SCN2A: variants seen among roughly 807,000 people sequenced by gnomAD.
SCN2A encodes the protein sodium voltage-gated channel alpha subunit 2, also known as sodium channel protein type 2 subunit alpha.
A neutral mutation model predicts 188.7 loss-of-function variants in SCN2A; 20 were observed. That is an observed-to-expected ratio of 0.11 (90% CI 0.07 to 0.15). The LOEUF (loss-of-function observed/expected upper bound fraction) is 0.15, where lower values mean the gene tolerates loss of function less well. Ranked by LOEUF, SCN2A falls within the 10% of genes least tolerant of loss-of-function variation. The probability of loss-of-function intolerance (pLI) is 1.00; values close to 1 mark genes in which losing one functional copy is unlikely to be tolerated. For missense variants in SCN2A, 1,278 were observed against 2,445.0 expected, an observed-to-expected ratio of 0.52 and a Z score of 10.07; for synonymous variants, 804 against 833.1, an observed-to-expected ratio of 0.97 and a Z score of 0.60.
chr2:165,371,336 A>C (rs960900132), intron 20 of SCN2A: 3 of 152,242 alleles, frequency 2.0e-5, no homozygotes, highest in Non-Finnish European at 4.4e-5. Context: ...GCCTTAAATC[A>C]AATATGCTTA....
chr2:165,310,538 A>C lies in SCN2A; in HGVS notation c.913A>C (p.Thr305Pro). The C allele has an allele frequency of 6.2e-7, 1 of 1,612,990 alleles. No homozygotes were observed. The highest frequency in any genetic ancestry group is 1.1e-5 in the South Asian group (1 of 91,062). The change falls in exon 7 of 27, where the codon ACT (threonine) becomes CCT (proline). Residue 305 changes from threonine (T) to proline (P), a missense_variant. Around this residue, in one of 17 missense-constraint regions of SCN2A, gnomAD observed 45 missense variants for 58.1 expected, o/e 0.77. Coordinates refer to ENST00000375437, the MANE Select transcript of SCN2A (RefSeq NM_001040142.2). ...FFNNSLDGNG[T>P]TFNRTVSIFN... ...TAACAATTCATTGGATGGGAATGGT[A>C]CTACTTTCAATAGGACAGTGAGCAT...
In SCN2A at chr2:165,291,348, G is replaced by C. The variant is rs114910365; in HGVS notation, c.-51-4425G>C. ...CATGAGCCACCGGGACTTGTCTGTC[G>C]TTCGTTCCTTCCTTCCTTCCTTCCT... On this transcript the variant is annotated intron_variant, in intron 1 of 26. Coordinates refer to ENST00000375437, the MANE Select transcript of SCN2A (RefSeq NM_001040142.2). 1.6e-3 allele frequency among the ~76,000 whole-genome samples: 128 copies of C among 82,064 alleles called. 1 individual carries two copies. Among genetic ancestry groups the C allele is most frequent in the African/African-American group, 5.1e-3 (123 of 24,076 alleles). The allele number at this position is 82,064 out of a possible 152,430, so 53.8% of individuals were successfully genotyped here. A position where few individuals can be genotyped will look rare whatever the true frequency, so the allele number is the denominator to read the frequency against.
At chr2:165,301,541 A>G (rs1696808631) in intron 3 of SCN2A, among the ~76,000 whole-genome samples, 1 of 152,164 alleles carries the variant, frequency 6.6e-6, no homozygotes, top group Non-Finnish European at 1.5e-5. Context: ...ATTCTTTCGA[A>G]TCTCAGTTTC....
intron 1 of SCN2A, among the ~76,000 whole-genome samples, chr2:165,259,409 T>C (rs1694475775): frequency 6.6e-6 from 1 of 152,204 alleles, no homozygotes; most frequent in South Asian, 2.1e-4. Flanking sequence ...TGCAATCCTG[T>C]TTGATAGCAT....
At chr2:165,330,399 A>G (rs914090314) in intron 13 of SCN2A, among the ~76,000 whole-genome samples, 2 of 152,142 alleles carry the variant, frequency 1.3e-5, no homozygotes, top group African/African-American at 4.8e-5. Flanking sequence ...CTAATTCCCC[A>G]AATTTCTTTG....
intron 20 of SCN2A, 167 bp from the exon 21 acceptor site, chr2:165,373,058 C>T: frequency 1.5e-6 from 1 of 678,776 alleles, no homozygotes; most frequent in Non-Finnish European, 2.5e-6. Context: ...GGCCTTTCCC[C>T]AAACTTACTA....
chr2:165,384,182 C>T (rs1701745187), intron 25 of SCN2A, among the ~76,000 whole-genome samples: 1 of 151,692 alleles, frequency 6.6e-6, no homozygotes, highest in African/African-American at 2.4e-5. Flanking sequence ...ATATGAAATG[C>T]AAAAGGAAAC....
At chr2:165,288,206 G>A (rs1367371130) in intron 1 of SCN2A, among the ~76,000 whole-genome samples, 1 of 152,142 alleles carries the variant, frequency 6.6e-6, no homozygotes, top group African/African-American at 2.4e-5. Flanking sequence ...CAAAATTGTT[G>A]TTTAATGGAT....
chr2:165,353,797 C>T (rs1038658241), intron 16 of SCN2A, among the ~76,000 whole-genome samples: 1 of 152,126 alleles, frequency 6.6e-6, no homozygotes, highest in Non-Finnish European at 1.5e-5. Flanking sequence ...ACACCTACCA[C>T]CAGGCCCCAC....
At chr2:165,359,434 C>G (rs776264742) in intron 17 of SCN2A, among the ~76,000 whole-genome samples, 3 of 151,946 alleles carry the variant, frequency 2.0e-5, no homozygotes, top group African/African-American at 7.2e-5. Context: ...TATCCATCAA[C>G]GTATCTAGGG....
chr2:165,244,800 A>G (rs1055172483), intron 1 of SCN2A, among the ~76,000 whole-genome samples: 1 of 152,142 alleles, frequency 6.6e-6, no homozygotes, highest in Non-Finnish European at 1.5e-5. Flanking sequence ...TGGGAGTATA[A>G]TATGCTTTGA....
intron 17 of SCN2A, 24 bp downstream of exon 17, chr2:165,354,695 TA>T (rs751314912): frequency 1.2e-6 from 2 of 1,608,888 alleles, no homozygotes; most frequent in East Asian, 4.5e-5. Context: ...AATAAGGAGA[TA>T]TTTTGGTGTT....
intron 17 of SCN2A, among the ~76,000 whole-genome samples, chr2:165,362,215 T>TA (rs1700495805): frequency 6.6e-6 from 1 of 151,998 alleles, no homozygotes; most frequent in Admixed American, 6.6e-5. Context: ...TTGGAAAAAG[T>TA]AAAAACTTGA....
At chr2:165,319,843 G>A (rs1298411073) in intron 11 of SCN2A, among the ~76,000 whole-genome samples, 1 of 152,188 alleles carries the variant, frequency 6.6e-6, no homozygotes, top group African/African-American at 2.4e-5. Flanking sequence ...TATAACTCAA[G>A]ATGAGATCTG....
At chr2:165,300,638 G>A (rs1442863504) in intron 3 of SCN2A, among the ~76,000 whole-genome samples, 4 of 152,128 alleles carry the variant, frequency 2.6e-5, no homozygotes, top group Non-Finnish European at 5.9e-5. Context: ...AGGTGGTGGT[G>A]CAACTAGTAT....
At chr2:165,257,400 G>A (rs1474186526) in intron 1 of SCN2A, among the ~76,000 whole-genome samples, 2 of 152,110 alleles carry the variant, frequency 1.3e-5, no homozygotes. Flanking sequence ...TGAATCACAT[G>A]ATTTTTTTGA....
intron 1 of SCN2A, among the ~76,000 whole-genome samples, chr2:165,276,161 G>C (rs73969332): frequency 6.6e-6 from 1 of 151,690 alleles, no homozygotes. Flanking sequence ...TTGTTTGTTT[G>C]TTTTGCTCAG....
Position 165,367,102 on chromosome 2 carries a change from TTAA to T in SCN2A, c.3521-113_3521-111del, listed in dbSNP as rs564233975. The T allele has an allele frequency of 2.4e-4, 234 of 995,508 alleles. 2 individuals carry two copies. The African/African-American group carries it at 3.0e-3, about 13-fold the overall frequency. 61.7% of individuals were successfully genotyped at this position (995,508 alleles called of 1,614,324 possible). On this transcript the variant is annotated intron_variant, in intron 18 of 26. Transcript: ENST00000375437. ...TTGTAAGCGGAAGCTATCTTAAAAA[TTAA>T]TGTTATTTACAATGTATTATCAGGT...
At chr2:165,372,215 A>G (rs1424107199) in intron 20 of SCN2A, 3 of 152,180 alleles carry the variant, frequency 2.0e-5, no homozygotes, top group Non-Finnish European at 2.9e-5. Context: ...TAAGGGAACT[A>G]TATGAACTAT....
Sources: gnomAD v4.1 joint callset for allele counts (sites outside exome capture counted in the v4.1 genomes callset) on GRCh38, gnomAD v4.1.1 for gene constraint, gnomAD v4.1.1 regional missense constraint, MANE v1.5 for transcripts, NCBI Gene and HGNC (gene_info 2026-07-23, HGNC 2026-07-21) for gene names.